TIGD1: variants seen among roughly 807,000 people sequenced by gnomAD.
TIGD1 encodes the protein tigger transposable element-derived protein 1.
In TIGD1, 20 loss-of-function variants were observed where a neutral mutation model predicts 21.3. That is an observed-to-expected ratio of 0.94 (90% CI 0.66 to 1.36). The LOEUF (loss-of-function observed/expected upper bound fraction) is 1.36, where lower values mean the gene tolerates loss of function less well. TIGD1 is among the 40% of genes most tolerant of loss of function. The pLI is 0.00. For synonymous variants in TIGD1, 177 were observed against 123.2 expected, an observed-to-expected ratio of 1.44 and a Z score of -2.89; for missense variants, 556 against 350.5, an observed-to-expected ratio of 1.59 and a Z score of -4.68.
rs933102683 is a variant in TIGD1 at position 232,544,228 on chromosome 2, T to C, written c.*3879A>G. 5.3e-6 allele frequency: 4 copies of C among 760,128 alleles called. No homozygotes were observed. The highest frequency in any genetic ancestry group is 9.5e-6 in the Non-Finnish European group (4 of 421,106). The allele number at this position is 760,128 out of a possible 1,614,324, so 47.1% of individuals were successfully genotyped here. The stretch of plus-strand genomic sequence containing the variant: ...TGGGGACCCAGGCTCGTGTCCAGTA[T>C]AGAAAGCTTTACCAAGGCCACGTCA... On this transcript the variant is annotated 3_prime_UTR_variant, in exon 1 of 1. Coordinates refer to ENST00000408957, the MANE Select transcript of TIGD1 (RefSeq NM_145702.4).
chr2:232,544,827 C>T lies in TIGD1; in HGVS notation c.*3280G>A, dbSNP rs368612307. On this transcript the variant is annotated 3_prime_UTR_variant, in exon 1 of 1. Transcript: ENST00000408957. ...TCTGTGGCAGCCTGAAGCAGGCTGC[C>T]CCAGCCATCCAGGCCTGTGTGGAAG... 77 of 1,613,710 alleles carry T rather than the reference C, an allele frequency of 4.8e-5. No homozygotes were observed. The highest frequency in any genetic ancestry group is 6.2e-5 in the Non-Finnish European group (73 of 1,179,994).
In TIGD1 at chr2:232,549,234, C is replaced by CCTTTGAAG. The variant is rs888816158; in HGVS notation, c.641_648dup (p.Asp217LeufsTer6). The CCTTTGAAG allele has an allele frequency of 5.9e-6, 4 of 672,702 alleles. No individual in the cohort carries two copies. The highest frequency in any genetic ancestry group is 1.1e-5 in the Non-Finnish European group (4 of 370,690). The allele number at this position is 672,702 out of a possible 1,614,324, so 41.7% of individuals were successfully genotyped here. ...GCCCCTAACAAGAGAGTCAGCCTGT[C>CCTTTGAAG]CTTTGAAGCTTTGAAGCCAGGCACT... On this transcript the variant is annotated frameshift_variant, in exon 1 of 1. Transcript: ENST00000408957. LOFTEE classifies it high-confidence loss of function.
rs1692103401 is a variant in TIGD1, at chr2:232,545,282, G to C, written c.*2825C>G. Among the ~76,000 whole-genome samples the C allele has an allele frequency of 6.6e-6, 1 of 151,394 alleles. No individual in the cohort carries two copies. The highest frequency in any genetic ancestry group is 2.4e-5 in the African/African-American group (1 of 41,222). ...AGCCAAGATCGCACCACTGCACTCT[G>C]GCCTGGGTGAAAGAGTGAGACGTGA... On this transcript the variant is annotated 3_prime_UTR_variant, in exon 1 of 1. Transcript: ENST00000408957.
rs11683262 is a variant in TIGD1, at chr2:232,550,011, C to T, written c.-129G>A. 0.19 allele frequency: 101,703 copies of T among 536,496 alleles called. 10,207 individuals carry two copies. Among genetic ancestry groups the T allele is most frequent in the Middle Eastern group, 0.25 (521 of 2,080 alleles). The allele number at this position is 536,496 out of a possible 1,614,324, so 33.2% of individuals were successfully genotyped here. ...TCAGAACACACACAACATTAAGTTC[C>T]ACGTCTTATAAAAGACGCTGTATGT... is the stretch of plus-strand genomic sequence containing the variant. On this transcript the variant is annotated 5_prime_UTR_variant, in exon 1 of 1. The change creates a premature stop within an existing upstream ORF in the 5' untranslated region. Coordinates refer to ENST00000408957, the MANE Select transcript of TIGD1 (RefSeq NM_145702.4).
Position 232,544,729 on chromosome 2 carries a change from C to T in TIGD1, c.*3378G>A. ...GAGAGGCCATCTTCTCTGCCTGTTT[C>T]TCCTCCATTCTACTCCCAAACCTTA... On this transcript the variant is annotated 3_prime_UTR_variant, in exon 1 of 1. Coordinates refer to ENST00000408957, the MANE Select transcript of TIGD1 (RefSeq NM_145702.4). 3 of 1,612,684 alleles carry T rather than the reference C, an allele frequency of 1.9e-6. No individual in the cohort carries two copies. The highest frequency in any genetic ancestry group is 2.5e-6 in the Non-Finnish European group (3 of 1,179,212).
rs1287292223 is a variant in TIGD1, at chr2:232,549,022, G to A, written c.861C>T (p.Tyr287=). The A allele has an allele frequency of 4.2e-6, 3 of 706,750 alleles. No homozygotes were observed. Among genetic ancestry groups the A allele is most frequent in the East Asian group, 2.7e-5 (1 of 37,148 alleles). 43.8% of individuals were successfully genotyped at this position (706,750 alleles called of 1,614,324 possible). ...TEYFKPTVET[Y]CSEKKIPFKI... ...TGAAAGGAATCTTCTTTTCTGAGCAGTAGGTCTCAACAGTGGGTTTAAAAT... is the reference window on the plus strand; with the variant it reads ...TGAAAGGAATCTTCTTTTCTGAGCAATAGGTCTCAACAGTGGGTTTAAAAT... Residue 287 remains tyrosine (Y), a synonymous_variant, in exon 1 of 1, where the codon TAC becomes TAT. Coordinates refer to ENST00000408957, the MANE Select transcript of TIGD1 (RefSeq NM_145702.4).
rs1403728384 is a variant in TIGD1 at position 232,544,857 on chromosome 2, C to G, written c.*3250G>C. 1 of 1,613,902 alleles carries G rather than the reference C, an allele frequency of 6.2e-7. No individual in the cohort carries two copies. The highest frequency in any genetic ancestry group is 2.2e-5 in the East Asian group (1 of 44,882). On this transcript the variant is annotated 3_prime_UTR_variant, in exon 1 of 1. Coordinates refer to ENST00000408957, the MANE Select transcript of TIGD1 (RefSeq NM_145702.4). ...CCATCCAGGCCTGTGTGGAAGCCTG[C>G]AACCTCATTGCCTGTGCCCGGCACC...
rs1692179444 is a variant in TIGD1, at chr2:232,548,563, C to T, written c.1320G>A (p.Glu440=). The change falls in exon 1 of 1, where the codon GAG becomes GAA. Residue 440 remains glutamate (E), a synonymous_variant. Transcript: ENST00000408957. ...EIAKELELEV[E]PEDVTELLQS... Reference sequence around the variant, plus strand: ...GCAGCAATTCAGTTACATCTTCAGGCTCTACTTCTAATTCTAGTTCTTTTG... The same window carrying T: ...GCAGCAATTCAGTTACATCTTCAGGTTCTACTTCTAATTCTAGTTCTTTTG... 3 of 624,044 alleles carry T rather than the reference C, an allele frequency of 4.8e-6. No individual in the cohort carries two copies. The highest frequency in any genetic ancestry group is 5.9e-6 in the Non-Finnish European group (2 of 340,968). 38.7% of individuals were successfully genotyped at this position (624,044 alleles called of 1,614,324 possible). A position where few individuals can be genotyped will look rare whatever the true frequency, so the allele number is the denominator to read the frequency against.
rs1267133782 is a variant in TIGD1 at position 232,549,148 on chromosome 2, C to T, written c.735G>A (p.Arg245=). 1.4e-6 allele frequency: 1 copy of T among 715,282 alleles called. No individual in the cohort carries two copies. The highest frequency in any genetic ancestry group is 2.7e-5 in the East Asian group (1 of 37,258). 44.3% of individuals were successfully genotyped at this position (715,282 alleles called of 1,614,324 possible). A position where few individuals can be genotyped will look rare whatever the true frequency, so the allele number is the denominator to read the frequency against. ...PMLIYHSENP[R]ALKNYTKSTL... Reference sequence around the variant, plus strand: ...TAGATTTAGTATAATTCTTAAGGGCCCTAGGATTTTCAGAATGGTAAATAA... The same window carrying T: ...TAGATTTAGTATAATTCTTAAGGGCTCTAGGATTTTCAGAATGGTAAATAA... Residue 245 remains arginine, a synonymous_variant, in exon 1 of 1, where the codon AGG becomes AGA. Transcript: ENST00000408957.
At position 232,548,926 on chromosome 2, in the gene TIGD1, A is replaced by T; in HGVS notation, c.957T>A (p.Asn319Lys). The change falls in exon 1 of 1, where the codon AAT (asparagine) becomes AAA (lysine). Residue 319 changes from asparagine (N) to lysine (K), a missense_variant. Asn to Lys is a moderately conservative substitution (Grantham distance 94). Coordinates refer to ENST00000408957, the MANE Select transcript of TIGD1 (RefSeq NM_145702.4). ...TTGTGTTAGCAGGCATGAAAATAAC[A>T]TTAATCTCCTCGTATATCTCCATCA... ...RALMEIYEEINVIFMPANTTS... is the reference protein window; with the variant it reads ...RALMEIYEEIKVIFMPANTTS... 1 of 675,162 alleles carries T rather than the reference A, an allele frequency of 1.5e-6. No individual in the cohort carries two copies. Among genetic ancestry groups the T allele is most frequent in the South Asian group, 1.5e-5 (1 of 65,588 alleles). The allele number at this position is 675,162 out of a possible 1,614,324, so 41.8% of individuals were successfully genotyped here. A position where few individuals can be genotyped will look rare whatever the true frequency, so the allele number is the denominator to read the frequency against.
Position 232,544,406 on chromosome 2 carries a change from G to A in TIGD1, c.*3701C>T, listed in dbSNP as rs16829208. On this transcript the variant is annotated 3_prime_UTR_variant, in exon 1 of 1. Transcript: ENST00000408957. ...CTTGCCCCAGCTGCTGAGGATGCAC[G>A]TTCGCCCGCTGGCCCCGGCAGCTGT... 295 of 1,613,362 alleles carry A rather than the reference G, an allele frequency of 1.8e-4. No individual in the cohort carries two copies. Among genetic ancestry groups the A allele is most frequent in the Non-Finnish European group, 2.3e-4 (267 of 1,180,024 alleles).
At position 232,545,022 on chromosome 2, in the gene TIGD1, T is replaced by G. The variant is rs960629875; in HGVS notation, c.*3085A>C. The G allele has an allele frequency of 7.8e-7, 1 of 1,282,708 alleles. No individual in the cohort carries two copies. Among genetic ancestry groups the G allele is most frequent in the Non-Finnish European group, 1.1e-6 (1 of 903,898 alleles). 79.5% of individuals were successfully genotyped at this position (1,282,708 alleles called of 1,614,324 possible). Reference sequence around the variant, plus strand: ...TGGGATGGAAAAACATGAGGCCGGGTGCAGTGGGTCACACCTGTAATCCCA... The same window carrying G: ...TGGGATGGAAAAACATGAGGCCGGGGGCAGTGGGTCACACCTGTAATCCCA... On this transcript the variant is annotated 3_prime_UTR_variant, in exon 1 of 1. Coordinates refer to ENST00000408957, the MANE Select transcript of TIGD1 (RefSeq NM_145702.4).
chr2:232,549,220 G>A lies in TIGD1; in HGVS notation c.663C>T (p.Leu221=), dbSNP rs1392645054. 5.8e-6 allele frequency: 4 copies of A among 683,890 alleles called. No individual in the cohort carries two copies. The highest frequency in any genetic ancestry group is 1.8e-5 in the African/African-American group (1 of 56,684). 42.4% of individuals were successfully genotyped at this position (683,890 alleles called of 1,614,324 possible). Reference sequence around the variant, plus strand: ...CACCAGCTGCATTAGCCCCTAACAAGAGAGTCAGCCTGTCCTTTGAAGCTT... The same window carrying A: ...CACCAGCTGCATTAGCCCCTAACAAAAGAGTCAGCCTGTCCTTTGAAGCTT... The part of the protein sequence containing the change: ...GFKASKDRLT[L]LLGANAAGDF... Residue 221 remains leucine, a synonymous_variant, in exon 1 of 1, where the codon CTC becomes CTT. Coordinates refer to ENST00000408957, the MANE Select transcript of TIGD1 (RefSeq NM_145702.4).
In TIGD1 at chr2:232,544,631, TG is replaced by T. The variant is rs1217959126; in HGVS notation, c.*3475del. 3 of 1,578,886 alleles carry T rather than the reference TG, an allele frequency of 1.9e-6. No individual in the cohort carries two copies. In the African/African-American group the frequency reaches 4.0e-5, roughly 21 times the overall value. On this transcript the variant is annotated 3_prime_UTR_variant, in exon 1 of 1. Transcript: ENST00000408957. ...GACAGTCCTCCCCTGGGACCCCAGC[TG>T]GGGAGCCAGGCACAGCAGATGAGTG...
In TIGD1 at chr2:232,548,448, C is replaced by T. The variant is rs1692175042; in HGVS notation, c.1435G>A (p.Glu479Lys). 8.5e-6 allele frequency: 6 copies of T among 706,358 alleles called. No individual in the cohort carries two copies. The highest frequency in any genetic ancestry group is 5.2e-5 in the African/African-American group (3 of 57,400). The allele number at this position is 706,358 out of a possible 1,614,324, so 43.8% of individuals were successfully genotyped here. Reference sequence around the variant, plus strand: ...ATTTCAACAATGTTCACAGCATCTTCACCAGGTGTAGATTCCATCTCAAGA... The same window carrying T: ...ATTTCAACAATGTTCACAGCATCTTTACCAGGTGTAGATTCCATCTCAAGA... Reference protein sequence around the residue: ...WFLEMESTPGEDAVNIVEMTT... With the variant: ...WFLEMESTPGKDAVNIVEMTT... The change falls in exon 1 of 1, where the codon GAA becomes AAA. Residue 479 changes from glutamate to lysine, a missense_variant. Coordinates refer to ENST00000408957, the MANE Select transcript of TIGD1 (RefSeq NM_145702.4).
Position 232,550,083 on chromosome 2 carries a change from T to C in TIGD1, c.-201A>G, listed in dbSNP as rs761726838. 3.9e-4 allele frequency: 178 copies of C among 459,782 alleles called. No individual in the cohort carries two copies. The highest frequency in any genetic ancestry group is 5.7e-4 in the Non-Finnish European group (146 of 254,172). 28.5% of individuals were successfully genotyped at this position (459,782 alleles called of 1,614,324 possible). A position where few individuals can be genotyped will look rare whatever the true frequency, so the allele number is the denominator to read the frequency against. On this transcript the variant is annotated 5_prime_UTR_variant, in exon 1 of 1. It removes an upstream start codon present in the reference 5' UTR. Coordinates refer to ENST00000408957, the MANE Select transcript of TIGD1 (RefSeq NM_145702.4). ...TAGCAACATCAAAGATCACTGATCA[T>C]AGATCACCATAACAGACACAGAAAT... is the stretch of plus-strand genomic sequence containing the variant.
Position 232,547,935 on chromosome 2 carries a change from G to C in TIGD1, c.*172C>G, listed in dbSNP as rs1692159619. On this transcript the variant is annotated 3_prime_UTR_variant, in exon 1 of 1. Transcript: ENST00000408957. ...ATACCTCAAAGACATTGCAGGTTCA[G>C]TTCCAGACCAACACAAGAAAGCAAG... The C allele has an allele frequency of 4.4e-6, 2 of 454,958 alleles. No individual in the cohort carries two copies. The highest frequency in any genetic ancestry group is 8.4e-5 in the Admixed American group (2 of 23,858). 28.2% of individuals were successfully genotyped at this position (454,958 alleles called of 1,614,324 possible). A position where few individuals can be genotyped will look rare whatever the true frequency, so the allele number is the denominator to read the frequency against.
In TIGD1 at chr2:232,545,536, C is replaced by A. The variant is rs749647602; in HGVS notation, c.*2571G>T. 1.5e-4 allele frequency: 239 copies of A among 1,613,230 alleles called. 5 individuals are homozygous for A. In the South Asian group the frequency reaches 2.4e-3, roughly 16 times the overall value. ...CTGGTTATCCCACACCTGCCTCCCACCCTCAGGGGAATGAGGAGTGGTTCC... is the reference window on the plus strand; with the variant it reads ...CTGGTTATCCCACACCTGCCTCCCAACCTCAGGGGAATGAGGAGTGGTTCC... On this transcript the variant is annotated 3_prime_UTR_variant, in exon 1 of 1. Transcript: ENST00000408957.
At position 232,544,275 on chromosome 2, in the gene TIGD1, A is replaced by G. The variant is rs1201673515; in HGVS notation, c.*3832T>C. The G allele has an allele frequency of 7.3e-6, 7 of 962,876 alleles. No homozygotes were observed. Among genetic ancestry groups the G allele is most frequent in the East Asian group, 2.4e-5 (1 of 42,064 alleles). 59.6% of individuals were successfully genotyped at this position (962,876 alleles called of 1,614,324 possible). A position where few individuals can be genotyped will look rare whatever the true frequency, so the allele number is the denominator to read the frequency against. ...GTCACTGCCCCGGTATGCTGCCTCC[A>G]TGGTCCCTAGCAGCACAAGCCCTTC... On this transcript the variant is annotated 3_prime_UTR_variant, in exon 1 of 1. Coordinates refer to ENST00000408957, the MANE Select transcript of TIGD1 (RefSeq NM_145702.4).
Sources: allele counts gnomAD v4.1 joint callset (sites outside exome capture counted in the v4.1 genomes callset), GRCh38; gene constraint gnomAD v4.1.1; transcripts MANE v1.5; gene names NCBI Gene and HGNC (gene_info 2026-07-23, HGNC 2026-07-21).